The following SYDE2 variants were observed in gnomAD, a reference collection of about 807,000 sequenced individuals.
SYDE2 encodes synapse defective Rho GTPase homolog 2, also known as rho GTPase-activating protein SYDE2.
Under a neutral mutation model 91.5 loss-of-function variants are expected in SYDE2, and 76 were observed. That is an observed-to-expected ratio of 0.83 (90% confidence interval 0.69 to 1.01). The LOEUF (loss-of-function observed/expected upper bound fraction) is 1.01. Among genes scored for constraint, SYDE2 ranks in the 50% least tolerant of loss-of-function variants. The pLI, the probability that SYDE2 is intolerant of heterozygous loss-of-function variation, is 0.00. For missense variants in SYDE2, 1,364 were observed against 1,367.7 expected (o/e 1.00, Z 0.04); for synonymous variants, 513 against 506.4 (o/e 1.01, Z -0.18).
In SYDE2 at chr1:85,200,383, A is replaced by C; in HGVS notation, c.614T>G (p.Met205Arg). ...MYKGRLLSLG[M>R]KGRARGTAPK... ...AGCCGTCCCACGGGCACGACCCTTC[A>C]TTCCCAGGGACAGCAGACGCCCTTT... The change falls in exon 1 of 7, where the codon ATG (methionine) becomes AGG (arginine). Residue 205 changes from methionine (M) to arginine (R), a missense_variant. Physicochemically the swap from Met to Arg is moderately conservative, Grantham distance 91 (BLOSUM62 -1). Transcript: ENST00000341460. 6.2e-7 allele frequency: 1 copy of C among 1,613,958 alleles called. No individual in the cohort carries two copies. Among genetic ancestry groups the C allele is most frequent in the Non-Finnish European group, 8.5e-7 (1 of 1,179,886 alleles).
chr1:85,165,357 C>T (rs1657226807), intron 5 of SYDE2, among the ~76,000 whole-genome samples: 1 of 152,140 alleles, frequency 6.6e-6, no homozygotes, highest in African/African-American at 2.4e-5. Context: ...GCGTCCATTA[C>T]CTCTTTCTCT....
At position 85,170,114 on chromosome 1, in the gene SYDE2, CTTTTT is replaced by C. The variant is rs5775829; in HGVS notation, c.2672-894_2672-890del. Among the ~76,000 whole-genome samples the C allele has an allele frequency of 2.3e-5, 3 of 131,272 alleles. No individual in the cohort carries two copies. The East Asian group carries it at 6.6e-4, about 29-fold the overall frequency. The allele number at this position is 131,272 out of a possible 152,430, so 86.1% of individuals were successfully genotyped here. A position where few individuals can be genotyped will look rare whatever the true frequency, so the allele number is the denominator to read the frequency against. ...TGATTCTATACGAAGCTTCCCATCT[CTTTTT>C]TTTTTTTTTTTTTAATTGTGACAGG... On this transcript the variant is annotated intron_variant, in intron 4 of 6. Transcript: ENST00000341460.
intron 4 of SYDE2, among the ~76,000 whole-genome samples, chr1:85,175,225 C>T (rs761639236): frequency 3.3e-5 from 5 of 152,166 alleles, no homozygotes; most frequent in African/African-American, 4.8e-5. Context: ...ATAGGCTGGG[C>T]GCAGTGGCTC....
chr1:85,162,837 G>A (rs1557740321), intron 6 of SYDE2, among the ~76,000 whole-genome samples: 1 of 152,092 alleles, frequency 6.6e-6, no homozygotes, highest in Non-Finnish European at 1.5e-5. Context: ...GTTTTCATTT[G>A]TGGTAATGAC....
chr1:85,191,019 T>C (rs1163202635), intron 1 of SYDE2, among the ~76,000 whole-genome samples: 2 of 152,026 alleles, frequency 1.3e-5, no homozygotes, highest in Admixed American at 6.6e-5. Context: ...AAAACTATAG[T>C]GCTAACAAAG....
intron 2 of SYDE2, among the ~76,000 whole-genome samples, chr1:85,187,798 T>C (rs896570764): frequency 3.4e-5 from 5 of 145,000 alleles, no homozygotes; most frequent in South Asian, 2.1e-4. Context: ...TTCTCACTCA[T>C]AGGTGGGAAT....
chr1:85,195,405 G>T (rs1183632814), intron 1 of SYDE2, among the ~76,000 whole-genome samples: 2 of 152,090 alleles, frequency 1.3e-5, no homozygotes, highest in African/African-American at 4.8e-5. Context: ...CAGTCCAGAT[G>T]AAATTACTAG....
chr1:85,199,442 G>A (rs1658724127), intron 1 of SYDE2, among the ~76,000 whole-genome samples: 1 of 152,082 alleles, frequency 6.6e-6, no homozygotes, highest in Non-Finnish European at 1.5e-5. Flanking sequence ...ATACAAAATA[G>A]GGAGCTTAAT....
chr1:85,165,091 G>A (rs1032536400), intron 5 of SYDE2, among the ~76,000 whole-genome samples: 5 of 152,134 alleles, frequency 3.3e-5, no homozygotes, highest in African/African-American at 9.6e-5. Flanking sequence ...AAAATTAGCC[G>A]GGCATGATGG....
At chr1:85,169,527 C>T (rs1657422936) in intron 4 of SYDE2, among the ~76,000 whole-genome samples, 1 of 152,078 alleles carries the variant, frequency 6.6e-6, no homozygotes, top group Admixed American at 6.6e-5. Flanking sequence ...ATTCTGCCCC[C>T]TATAAAAAGC....
In SYDE2 at chr1:85,175,026, G is replaced by T. The variant is rs371173661; in HGVS notation, c.2671+3120C>A. Among the ~76,000 whole-genome samples the T allele has an allele frequency of 3.4e-3, 524 of 152,198 alleles. 1 individual carries two copies. The highest frequency in any genetic ancestry group is 6.1e-3 in the Non-Finnish European group (417 of 68,006). Reference sequence around the variant, plus strand: ...ATGGTAGGATTAAAATCATAAAAAGGCATGGTCAAATGAACTTTCAGGTAC... The same window carrying T: ...ATGGTAGGATTAAAATCATAAAAAGTCATGGTCAAATGAACTTTCAGGTAC... On this transcript the variant is annotated intron_variant, in intron 4 of 6. Coordinates refer to ENST00000341460, the MANE Select transcript of SYDE2 (RefSeq NM_032184.2).
At chr1:85,191,165 T>A (rs1461214430) in intron 1 of SYDE2, among the ~76,000 whole-genome samples, 1 of 152,170 alleles carries the variant, frequency 6.6e-6, no homozygotes, top group Non-Finnish European at 1.5e-5. Context: ...ATAATATTCC[T>A]CCTACCCTTT....
At chr1:85,161,443 A>C (rs1410147137) in intron 6 of SYDE2, among the ~76,000 whole-genome samples, 1 of 152,216 alleles carries the variant, frequency 6.6e-6, no homozygotes, top group Non-Finnish European at 1.5e-5. Flanking sequence ...AATGTGGTAT[A>C]GTGGCCAGGT....
chr1:85,180,554 A>G (rs1375975542), intron 3 of SYDE2, among the ~76,000 whole-genome samples: 9 of 151,992 alleles, frequency 5.9e-5, no homozygotes, highest in Admixed American at 5.9e-4. Context: ...TTAGCCAGGC[A>G]TGATGGCGTG....
rs900441821 is a variant in SYDE2 at position 85,200,590 on chromosome 1, G to T, written c.407C>A (p.Ala136Glu). 1.9e-6 allele frequency: 3 copies of T among 1,573,670 alleles called. No homozygotes were observed. Among genetic ancestry groups the T allele is most frequent in the African/African-American group, 2.7e-5 (2 of 74,094 alleles). The change falls in exon 1 of 7, where the codon GCG (alanine) becomes GAG (glutamate). Residue 136 changes from alanine (A) to glutamate (E), a missense_variant. By Grantham distance (107) the Ala-to-Glu change is moderately radical. Transcript: ENST00000341460. The stretch of plus-strand genomic sequence containing the variant: ...AGGCTGGAGGCCGGTGGGTGCAGCC[G>T]CCCGGGCGCGGTCCCCACTCCAGCC... Reference protein sequence around the residue: ...MDGWSGDRARAAAPTGLQPPG... With the variant: ...MDGWSGDRAREAAPTGLQPPG...
intron 4 of SYDE2, among the ~76,000 whole-genome samples, chr1:85,175,950 T>G (rs757346268): frequency 6.6e-6 from 1 of 152,184 alleles, no homozygotes; most frequent in Non-Finnish European, 1.5e-5. Flanking sequence ...AATTTATAAA[T>G]TACAGAAACT....
At chr1:85,181,908 T>A in intron 3 of SYDE2, 190 bp downstream of exon 3, 1 of 543,506 alleles carries the variant, frequency 1.8e-6, no homozygotes, top group Non-Finnish European at 3.1e-6. Flanking sequence ...TCATCTAGCA[T>A]GCTCTCAATA....
At position 85,158,901 on chromosome 1, in the gene SYDE2, T is replaced by A. The variant is rs759213524; in HGVS notation, c.3434A>T (p.Glu1145Val). Residue 1145 changes from glutamate (E) to valine (V), a missense_variant, in exon 7 of 7, where the codon GAG (glutamate) becomes GTG (valine). Transcript: ENST00000341460. ...MIEQPIPMSK[E>V]CTFQTYLTMQ... ...TGTCAAATATGTCTGAAATGTACAC[T>A]CTTTGGACATGGGAATTGGCTGTTC... 14 of 780,510 alleles carry A rather than the reference T, an allele frequency of 1.8e-5. No homozygotes were observed. The highest frequency in any genetic ancestry group is 5.1e-5 in the Admixed American group (3 of 58,972). The allele number at this position is 780,510 out of a possible 1,614,324, so 48.3% of individuals were successfully genotyped here.
At chr1:85,199,219 G>A (rs1658713897) in intron 1 of SYDE2, among the ~76,000 whole-genome samples, 1 of 152,060 alleles carries the variant, frequency 6.6e-6, no homozygotes, top group Admixed American at 6.6e-5. Context: ...TTACATTTCA[G>A]GATTTAATGT....
Sources: allele counts gnomAD v4.1 joint callset (sites outside exome capture counted in the v4.1 genomes callset), GRCh38; gene constraint gnomAD v4.1.1; transcripts MANE v1.5; gene names NCBI Gene and HGNC (gene_info 2026-07-23, HGNC 2026-07-21).